PSD3: variants seen among roughly 807,000 people sequenced by gnomAD.
PSD3 encodes the protein pleckstrin and Sec7 domain containing 3, also known as PH and SEC7 domain-containing protein 3.
In PSD3, 49 loss-of-function variants were observed where a neutral mutation model predicts 105.5. The ratio of observed to expected loss-of-function variants is 0.46; its 90% CI spans 0.37 to 0.59. The LOEUF is 0.59. PSD3 is among the 20% of genes least tolerant of loss of function. The pLI, the probability that PSD3 is intolerant of heterozygous loss-of-function variation, is 0.00. For missense variants in PSD3, 1,561 were observed against 1,263.8 expected (o/e 1.24, Z -3.57); for synonymous variants, 557 against 457.8 (o/e 1.22, Z -2.77).
At chr8:18,674,304 C>T (rs1174700331) in intron 9 of PSD3, among the ~76,000 whole-genome samples, 1 of 152,212 alleles carries the variant, frequency 6.6e-6, no homozygotes, top group Non-Finnish European at 1.5e-5. Context: ...CCTGGGCCTT[C>T]CCTGCGTTCT....
At chr8:18,585,294 T>C (rs1373552628) in intron 12 of PSD3, among the ~76,000 whole-genome samples, 3 of 152,060 alleles carry the variant, frequency 2.0e-5, no homozygotes, top group Non-Finnish European at 4.4e-5. Context: ...GGGAGGAAAA[T>C]AAGGTCTGAA....
intron 9 of PSD3, among the ~76,000 whole-genome samples, chr8:18,658,524 CTTT>C (rs35569508): frequency 1.2e-4 from 17 of 138,086 alleles, no homozygotes; most frequent in Non-Finnish European, 1.6e-4. Context: ...CTATATAATT[CTTT>C]TTTTTTTTTT....
chr8:18,630,987 G>A (rs1386413131), intron 11 of PSD3, among the ~76,000 whole-genome samples: 1 of 151,900 alleles, frequency 6.6e-6, no homozygotes, highest in African/African-American at 2.4e-5. Flanking sequence ...ACCTGTCAGA[G>A]GCCCTGGAAT....
At chr8:18,761,602 G>A (rs987081812) in intron 9 of PSD3, among the ~76,000 whole-genome samples, 12 of 152,188 alleles carry the variant, frequency 7.9e-5, no homozygotes, top group Admixed American at 2.0e-4. Context: ...TCCTCATACC[G>A]TACTGTCTCT....
chr8:19,074,725 A>C (rs1829405352), intron 1 of PSD3, among the ~76,000 whole-genome samples: 1 of 141,706 alleles, frequency 7.1e-6, no homozygotes, highest in Non-Finnish European at 1.5e-5. Context: ...GGTTCACGCC[A>C]TTCTCCTGCC....
At chr8:18,999,608 G>A (rs548940403) in intron 1 of PSD3, among the ~76,000 whole-genome samples, 1 of 151,868 alleles carries the variant, frequency 6.6e-6, no homozygotes, top group Admixed American at 6.6e-5. Flanking sequence ...GCCATTAAAT[G>A]GCCACAAGAG....
chr8:18,780,326 A>T (rs1269894746), intron 8 of PSD3, among the ~76,000 whole-genome samples: 1 of 144,584 alleles, frequency 6.9e-6, no homozygotes, highest in African/African-American at 2.6e-5. Flanking sequence ...TCAGTTTTTT[A>T]TAGGCAGTAT....
intron 8 of PSD3, among the ~76,000 whole-genome samples, chr8:18,776,384 T>TAA (rs1563253298): frequency 0.09 from 11,308 of 125,634 alleles, 774 homozygotes; most frequent in East Asian, 0.36. Flanking sequence ...ATATATATAA[T>TAA]TTTTTTTTTT....
intron 9 of PSD3, among the ~76,000 whole-genome samples, chr8:18,722,331 T>C (rs1009829466): frequency 1.3e-5 from 2 of 152,140 alleles, no homozygotes; most frequent in Non-Finnish European, 2.9e-5. Context: ...GTCTACTTTT[T>C]AGAGCTGGCA....
intron 9 of PSD3, among the ~76,000 whole-genome samples, chr8:18,666,620 A>T (rs529011265): frequency 6.6e-6 from 1 of 152,160 alleles, no homozygotes; most frequent in African/African-American, 2.4e-5. Context: ...GGCCAGGGAG[A>T]GACTCCGGGG....
intron 9 of PSD3, among the ~76,000 whole-genome samples, chr8:18,712,212 G>A (rs928980585): frequency 1.1e-4 from 17 of 151,112 alleles, no homozygotes; most frequent in African/African-American, 4.1e-4. Flanking sequence ...ACAACTAAAA[G>A]AACTAGAGAA....
At chr8:18,959,747 G>T (rs562632998) in intron 1 of PSD3, among the ~76,000 whole-genome samples, 34 of 152,244 alleles carry the variant, frequency 2.2e-4, no homozygotes, top group African/African-American at 7.5e-4. Flanking sequence ...CACTGGCACA[G>T]CTAGACAAAC....
chr8:19,056,592 C>A (rs1432841760), intron 1 of PSD3, among the ~76,000 whole-genome samples: 4 of 152,196 alleles, frequency 2.6e-5, no homozygotes, highest in Admixed American at 6.5e-5. Context: ...TCCATTAAGG[C>A]TCCAAACTAC....
chr8:18,575,207 T>C lies in PSD3; in HGVS notation c.2560A>G (p.Lys854Glu). Residue 854 changes from lysine to glutamate, a missense_variant, in exon 13 of 16, where the codon AAG becomes GAG. Transcript: ENST00000327040. ...GGTTTCTTCTCATAGTCCGTGGCCTTGGATGCCAATGCGTGGTGCACACTC... is the reference window on the plus strand; with the variant it reads ...GGTTTCTTCTCATAGTCCGTGGCCTCGGATGCCAATGCGTGGTGCACACTC... The part of the protein sequence containing the change: ...AVSVHHALAS[K>E]ATDYEKKPNV... 6.2e-7 allele frequency: 1 copy of C among 1,614,018 alleles called. No homozygotes were observed. Among genetic ancestry groups the C allele is most frequent in the Non-Finnish European group, 8.5e-7 (1 of 1,179,926 alleles).
chr8:19,011,906 C>G (rs762947923), intron 1 of PSD3, among the ~76,000 whole-genome samples: 3 of 152,152 alleles, frequency 2.0e-5, no homozygotes, highest in Non-Finnish European at 4.4e-5. Flanking sequence ...AACACACAAA[C>G]AGATATTTAG....
chr8:19,043,443 G>A (rs1265949596), intron 1 of PSD3, among the ~76,000 whole-genome samples: 1 of 152,156 alleles, frequency 6.6e-6, no homozygotes, highest in Non-Finnish European at 1.5e-5. Context: ...AATTCTGGCT[G>A]GGAAAGAAAC....
chr8:18,784,668 A>G (rs533340916), intron 8 of PSD3, among the ~76,000 whole-genome samples: 53 of 152,290 alleles, frequency 3.5e-4, no homozygotes, highest in South Asian at 1.2e-3. Context: ...TATCCCTTTA[A>G]TATCAAAGAT....
chr8:19,010,556 A>G (rs971099698), intron 1 of PSD3, among the ~76,000 whole-genome samples: 1 of 152,212 alleles, frequency 6.6e-6, no homozygotes, highest in Non-Finnish European at 1.5e-5. Flanking sequence ...TCTCCATTGT[A>G]AATTGCAACA....
chr8:18,903,281 G>A lies in PSD3; in HGVS notation c.131-30548C>T, dbSNP rs567836624. On this transcript the variant is annotated intron_variant, in intron 2 of 15. Transcript: ENST00000327040. Reference sequence around the variant, plus strand: ...GGGAACTTGACCCGAACGGCAACTCGGGTCCCAGGGAATGAGTCACCTTGT... The same window carrying A: ...GGGAACTTGACCCGAACGGCAACTCAGGTCCCAGGGAATGAGTCACCTTGT... Among the ~76,000 whole-genome samples the A allele has an allele frequency of 3.3e-5, 5 of 152,224 alleles. No homozygotes were observed. The East Asian group carries it at 5.8e-4, about 18-fold the overall frequency.
Sources: allele counts gnomAD v4.1 joint callset (sites outside exome capture counted in the v4.1 genomes callset), GRCh38; gene constraint gnomAD v4.1.1; transcripts MANE v1.5; gene names NCBI Gene and HGNC (gene_info 2026-07-23, HGNC 2026-07-21).